The following PKNOX1 variants were observed in gnomAD, a reference collection of about 807,000 sequenced individuals.
PKNOX1 encodes PBX/knotted 1 homeobox 1.
In PKNOX1, 15 loss-of-function variants were observed where a neutral mutation model predicts 51.9. That is an observed-to-expected ratio of 0.29 (90% CI 0.19 to 0.45). PKNOX1 has a LOEUF of 0.45. PKNOX1 is among the 20% of genes least tolerant of loss of function. PKNOX1 has a pLI of 1.00. For synonymous variants in PKNOX1, 219 were observed against 211.1 expected (o/e 1.04, Z -0.32); for missense variants, 462 against 547.5 (o/e 0.84, Z 1.56).
At chr21:43,000,797 C>G (rs1978718877) in intron 1 of PKNOX1, among the ~76,000 whole-genome samples, 1 of 152,128 alleles carries the variant, frequency 6.6e-6, no homozygotes, top group African/African-American at 2.4e-5. Flanking sequence ...GTGGGAGCAT[C>G]TCTTGAGTTC....
chr21:42,987,269 C>G (rs2059056623), intron 1 of PKNOX1, among the ~76,000 whole-genome samples: 2 of 150,110 alleles, frequency 1.3e-5, no homozygotes, highest in South Asian at 2.1e-4. Flanking sequence ...GTAATCCCAG[C>G]TACTCGGGAG....
chr21:43,021,398 C>T lies in PKNOX1; in HGVS notation c.816C>T (p.Asn272=), dbSNP rs757189468. ...KRGVLPKHAT[N]VMRSWLFQHI... ...GCGTCCTGCCAAAGCATGCCACGAA[C>T]GTGATGCGGTCCTGGCTCTTCCAGC... Residue 272 remains asparagine (N), a synonymous_variant, in exon 8 of 11, where the codon AAC becomes AAT. Coordinates refer to ENST00000291547, the MANE Select transcript of PKNOX1 (RefSeq NM_004571.5). The surrounding 1 kb of genome is among the most constrained non-coding windows in gnomAD (Gnocchi z 4.6). 20 of 1,612,842 alleles carry T rather than the reference C, an allele frequency of 1.2e-5. No homozygotes were observed. The highest frequency in any genetic ancestry group is 4.4e-5 in the South Asian group (4 of 90,928).
chr21:43,008,710 C>T (rs756822704), intron 3 of PKNOX1, among the ~76,000 whole-genome samples: 2 of 151,784 alleles, frequency 1.3e-5, no homozygotes, highest in Admixed American at 6.6e-5. Context: ...ACCCGGTAGG[C>T]GGAGGTTGCA....
chr21:42,996,944 G>A (rs1403456957), intron 1 of PKNOX1, among the ~76,000 whole-genome samples: 1 of 151,080 alleles, frequency 6.6e-6, no homozygotes, highest in Non-Finnish European at 1.5e-5. Context: ...GCAGTGGCAC[G>A]ATCTCGGCTC....
At chr21:42,983,278 A>G (rs982332591) in intron 1 of PKNOX1, among the ~76,000 whole-genome samples, 3 of 140,238 alleles carry the variant, frequency 2.1e-5, no homozygotes, top group Non-Finnish European at 4.6e-5. Context: ...CTCTATACCC[A>G]TTAAACACTG....
chr21:42,997,899 G>A (rs1164692686), intron 1 of PKNOX1, among the ~76,000 whole-genome samples: 1 of 152,154 alleles, frequency 6.6e-6, no homozygotes, highest in African/African-American at 2.4e-5. Context: ...AACTTGGAGT[G>A]CGGAAGGGGG....
rs370449621 is a variant in PKNOX1, at chr21:42,995,086, T to C, written c.-56-9240T>C. Among the ~76,000 whole-genome samples, 8 of 152,110 alleles carry C rather than the reference T, an allele frequency of 5.3e-5. No homozygotes were observed. In the South Asian group the frequency reaches 6.2e-4, roughly 12 times the overall value. The stretch of plus-strand genomic sequence containing the variant: ...ACAGGTGCCTGCCACCATATCCAGC[T>C]GATTTTTGTATTTTTAGTAGAGACG... On this transcript the variant is annotated intron_variant, in intron 1 of 10. Transcript: ENST00000291547.
chr21:43,004,536 C>T (rs1372014211), intron 2 of PKNOX1, 104 bp downstream of exon 2: 2 of 809,200 alleles, frequency 2.5e-6, no homozygotes, highest in Non-Finnish European at 4.4e-6. Context: ...AGGTTGCATG[C>T]TCAGTGTTAG....
chr21:43,006,373 A>G (rs1470223556), intron 2 of PKNOX1, among the ~76,000 whole-genome samples: 3 of 152,094 alleles, frequency 2.0e-5, no homozygotes, highest in African/African-American at 7.2e-5. Flanking sequence ...TGATCCGCCC[A>G]CCTTGGCCTC....
Position 42,993,860 on chromosome 21 carries a change from G to A in PKNOX1, c.-56-10466G>A, listed in dbSNP as rs1330352426. Among the ~76,000 whole-genome samples, 8 of 151,470 alleles carry A rather than the reference G, an allele frequency of 5.3e-5. No homozygotes were observed. The East Asian group carries it at 1.6e-3, about 30-fold the overall frequency. ...TGATTCTCCTGGCTCAGCCTCCGGA[G>A]TAGCTGGGATTACAGGCACACGCCA... On this transcript the variant is annotated intron_variant, in intron 1 of 10. Coordinates refer to ENST00000291547, the MANE Select transcript of PKNOX1 (RefSeq NM_004571.5).
rs1156921674 is a variant in PKNOX1, at chr21:43,021,645, C to T, written c.849+214C>T. Among the ~76,000 whole-genome samples the T allele has an allele frequency of 6.6e-6, 1 of 152,204 alleles. No homozygotes were observed. The highest frequency in any genetic ancestry group is 1.5e-5 in the Non-Finnish European group (1 of 68,036). ...GCTGCCGTGAAGGAGCACCCGAGCA[C>T]ATGTGAGGCGTACACGTGTGTCCGA... On this transcript the variant is annotated intron_variant, in intron 8 of 10. Coordinates refer to ENST00000291547, the MANE Select transcript of PKNOX1 (RefSeq NM_004571.5). This position sits in a 1 kb window ranked among gnomAD's most constrained non-coding sequence, Gnocchi z 4.6.
intron 1 of PKNOX1, chr21:43,004,114 G>A (rs781628444): frequency 1.6e-5 from 5 of 315,624 alleles, no homozygotes; most frequent in Non-Finnish European, 3.1e-5. Flanking sequence ...GCACATGACT[G>A]TAATCCCAGC....
chr21:43,018,275 C>T, intron 7 of PKNOX1, 45 bp downstream of exon 7: 1 of 1,164,598 alleles, frequency 8.6e-7, no homozygotes, highest in East Asian at 2.3e-5. Flanking sequence ...GAGTGCTGCC[C>T]ACATAGGGGC....
intron 10 of PKNOX1, among the ~76,000 whole-genome samples, chr21:43,029,355 G>T (rs533405170): frequency 3.3e-5 from 5 of 151,084 alleles, no homozygotes; most frequent in Admixed American, 2.0e-4. Flanking sequence ...CTTTCTGTTC[G>T]CATGAGGTCT....
chr21:43,023,249 G>C (rs1979841110), intron 8 of PKNOX1, among the ~76,000 whole-genome samples: 4 of 151,926 alleles, frequency 2.6e-5, no homozygotes. Flanking sequence ...ATGACCTTGA[G>C]CTCAGAGCCA....
rs1217419867 is a variant in PKNOX1 at position 43,033,369 on chromosome 21, G to A, written c.*3268G>A. The stretch of plus-strand genomic sequence containing the variant: ...GACAAACTCCAGGGTGTCCAGAGGG[G>A]GTTCTGCCCCTTGTGAAGGCCCATT... On this transcript the variant is annotated 3_prime_UTR_variant, in exon 11 of 11. Transcript: ENST00000291547. 1 of 152,576 alleles carries A rather than the reference G, an allele frequency of 6.6e-6. No homozygotes were observed. The highest frequency in any genetic ancestry group is 1.9e-4 in the East Asian group (1 of 5,202). The allele number at this position is 152,576 out of a possible 1,614,324, so 9.5% of individuals were successfully genotyped here.
intron 1 of PKNOX1, among the ~76,000 whole-genome samples, chr21:42,981,192 TAGA>T (rs2059023533): frequency 6.6e-6 from 1 of 152,176 alleles, no homozygotes; most frequent in Non-Finnish European, 1.5e-5. Context: ...ACATATCACA[TAGA>T]AGAAGGTCAG....
chr21:43,019,100 A>G (rs970213881), intron 7 of PKNOX1, among the ~76,000 whole-genome samples: 1 of 133,384 alleles, frequency 7.5e-6, no homozygotes, highest in Non-Finnish European at 1.6e-5. Flanking sequence ...AAAAAAAAAA[A>G]CATTGATTCT....
intron 2 of PKNOX1, among the ~76,000 whole-genome samples, chr21:43,006,025 A>G (rs1345702092): frequency 1.3e-5 from 2 of 152,188 alleles, no homozygotes; most frequent in Admixed American, 6.6e-5. Context: ...CCATTTTTCC[A>G]AGGTTGAACA....
Sources: gnomAD v4.1 joint callset for allele counts (sites outside exome capture counted in the v4.1 genomes callset) on GRCh38, gnomAD v4.1.1 for gene constraint, Gnocchi (gnomAD v3.1) non-coding constraint, MANE v1.5 for transcripts, NCBI Gene and HGNC (gene_info 2026-07-23, HGNC 2026-07-21) for gene names.